Variants in MIF4GD observed in about 807,000 individuals in gnomAD.
MIF4GD encodes the protein MIF4G domain containing.
MIF4GD carries 22 observed loss-of-function variants against 26.7 expected under a neutral mutation model. That is an observed-to-expected ratio of 0.82 (90% CI 0.59 to 1.18). MIF4GD has a LOEUF of 1.18. MIF4GD is among the 50% of genes most tolerant of loss of function. The pLI is 0.00. For missense variants in MIF4GD, 262 were observed against 279.6 expected (o/e 0.94, Z 0.45); for synonymous variants, 137 against 111.6 (o/e 1.23, Z -1.43).
In MIF4GD at chr17:75,269,428, C is replaced by T. The variant is rs2077628241; in HGVS notation, c.82+686G>A. On this transcript the variant is annotated intron_variant, in intron 2 of 5. Coordinates refer to ENST00000325102, the MANE Select transcript of MIF4GD (RefSeq NM_001370592.1). ...CTCTGGCAAACGGAATATTCTCCATCTTCTGTCTCAAAGCAGGCAACTGTG... is the reference window on the plus strand; with the variant it reads ...CTCTGGCAAACGGAATATTCTCCATTTTCTGTCTCAAAGCAGGCAACTGTG... The T allele has an allele frequency of 1.9e-6, 3 of 1,613,892 alleles. No homozygotes were observed. Among genetic ancestry groups the T allele is most frequent in the African/African-American group, 2.7e-5 (2 of 74,896 alleles).
Position 75,266,455 on chromosome 17 carries a change from A to C in MIF4GD, c.*285T>G, listed in dbSNP as rs1825038313. On this transcript the variant is annotated 3_prime_UTR_variant, in exon 6 of 6. Transcript: ENST00000325102. Reference sequence around the variant, plus strand: ...GCTTACCCATTTTACAGATGGGTAAACTGAGGCACCAAGGTAGTAGTTGCA... The same window carrying C: ...GCTTACCCATTTTACAGATGGGTAACCTGAGGCACCAAGGTAGTAGTTGCA... The C allele has an allele frequency of 2.0e-6, 1 of 499,886 alleles. No individual in the cohort carries two copies. Among genetic ancestry groups the C allele is most frequent in the African/African-American group, 1.9e-5 (1 of 51,898 alleles). The allele number at this position is 499,886 out of a possible 1,614,324, so 31.0% of individuals were successfully genotyped here. A position where few individuals can be genotyped will look rare whatever the true frequency, so the allele number is the denominator to read the frequency against.
At chr17:75,268,638 C>T (rs2077593145) in intron 2 of MIF4GD, among the ~76,000 whole-genome samples, 1 of 146,542 alleles carries the variant, frequency 6.8e-6, no homozygotes, top group African/African-American at 2.5e-5. Flanking sequence ...TGCTATTGCA[C>T]TCCAGCCTGG....
Position 75,271,188 on chromosome 17 carries a change from C to A in MIF4GD, c.-95G>T, listed in dbSNP as rs1335969117. The A allele has an allele frequency of 6.7e-6, 1 of 148,904 alleles. No individual in the cohort carries two copies. The highest frequency in any genetic ancestry group is 2.0e-4 in the East Asian group (1 of 5,128). The allele number at this position is 148,904 out of a possible 1,614,324, so 9.2% of individuals were successfully genotyped here. On this transcript the variant is annotated 5_prime_UTR_variant, in exon 1 of 6. Transcript: ENST00000325102. The surrounding 1 kb of genome is among the most constrained non-coding windows in gnomAD (Gnocchi z 4.2). ...CGCGCGTGCCCGGGGCCGCTCGGCG[C>A]CTGGGAGCGCGCAACCAGCGTCCGG...
chr17:75,266,404 T>C lies in MIF4GD; in HGVS notation c.*336A>G. 1 of 415,218 alleles carries C rather than the reference T, an allele frequency of 2.4e-6. No homozygotes were observed. The highest frequency in any genetic ancestry group is 2.4e-5 in the South Asian group (1 of 41,130). 25.7% of individuals were successfully genotyped at this position (415,218 alleles called of 1,614,324 possible). ...TGTGCTCTGCCTCCACCCCTTGACA[T>C]CCCAAAATATCCCACCAGTGGCTAT... On this transcript the variant is annotated 3_prime_UTR_variant, in exon 6 of 6. Coordinates refer to ENST00000325102, the MANE Select transcript of MIF4GD (RefSeq NM_001370592.1).
chr17:75,266,473 T>C lies in MIF4GD; in HGVS notation c.*267A>G, dbSNP rs971705013. ...TGGGTAAACTGAGGCACCAAGGTAGTAGTTGCACTAATGGTTACACAGTGC... is the reference window on the plus strand; with the variant it reads ...TGGGTAAACTGAGGCACCAAGGTAGCAGTTGCACTAATGGTTACACAGTGC... On this transcript the variant is annotated 3_prime_UTR_variant, in exon 6 of 6. Coordinates refer to ENST00000325102, the MANE Select transcript of MIF4GD (RefSeq NM_001370592.1). 1 of 536,416 alleles carries C rather than the reference T, an allele frequency of 1.9e-6. No homozygotes were observed. Among genetic ancestry groups the C allele is most frequent in the Non-Finnish European group, 3.4e-6 (1 of 295,830 alleles). 33.2% of individuals were successfully genotyped at this position (536,416 alleles called of 1,614,324 possible).
rs763020738 is a variant in MIF4GD at position 75,268,041 on chromosome 17, A to G, written c.192+42T>C. Reference sequence around the variant, plus strand: ...CAGGCCTTCTGCCCACTCCTGAAGCACCTTCCTCAAAGCAGCTTCCTTTCC... The same window carrying G: ...CAGGCCTTCTGCCCACTCCTGAAGCGCCTTCCTCAAAGCAGCTTCCTTTCC... On this transcript the variant is annotated intron_variant, in intron 3 of 5. Transcript: ENST00000325102. The G allele has an allele frequency of 1.9e-6, 3 of 1,606,510 alleles. No individual in the cohort carries two copies. In the Admixed American group the frequency reaches 5.0e-5, roughly 27 times the overall value.
chr17:75,268,006 T>C, intron 3 of MIF4GD, 77 bp downstream of exon 3: 1 of 1,604,912 alleles, frequency 6.2e-7, no homozygotes, highest in Non-Finnish European at 8.5e-7. Flanking sequence ...TGCATCTCTG[T>C]CCTGCAGGCC....
intron 4 of MIF4GD, 47 bp downstream of exon 4, chr17:75,267,699 A>G (rs1424022531): frequency 6.2e-7 from 1 of 1,612,274 alleles, no homozygotes; most frequent in Admixed American, 1.7e-5. Context: ...CCTGGGCCTC[A>G]GGAAACAGGC....
At position 75,266,610 on chromosome 17, in the gene MIF4GD, A is replaced by T. The variant is rs2077491489; in HGVS notation, c.*130T>A. On this transcript the variant is annotated 3_prime_UTR_variant, in exon 6 of 6. Transcript: ENST00000325102. ...GGGAAACATCTCACCAGGAGATGGG[A>T]AAGTCTAGAAGGGAAGACACTCAAA... The T allele has an allele frequency of 2.4e-6, 2 of 835,944 alleles. No individual in the cohort carries two copies. The highest frequency in any genetic ancestry group is 3.4e-5 in the African/African-American group (2 of 59,180). 51.8% of individuals were successfully genotyped at this position (835,944 alleles called of 1,614,324 possible).
Position 75,267,762 on chromosome 17 carries a change from A to G in MIF4GD, c.332T>C (p.Ile111Thr). Residue 111 changes from isoleucine to threonine, a missense_variant, in exon 4 of 6, where the codon ATC becomes ACC. By Grantham distance (89) the Ile-to-Thr change is moderately conservative (BLOSUM62 -1). Coordinates refer to ENST00000325102, the MANE Select transcript of MIF4GD (RefSeq NM_001370592.1). ...WVCYVTFICN[I>T]FDYLRVNNMP... ...GGGCCTCACCCTCAGGTAGTCAAAG[A>G]TGTTGCAGATAAAGGTGACATAGCA... The G allele has an allele frequency of 4.3e-6, 7 of 1,613,608 alleles. No homozygotes were observed. Among genetic ancestry groups the G allele is most frequent in the Non-Finnish European group, 5.9e-6 (7 of 1,179,720 alleles).
At position 75,271,187 on chromosome 17, in the gene MIF4GD, G is replaced by A. The variant is rs1033726415; in HGVS notation, c.-94C>T. The A allele has an allele frequency of 3.4e-5, 5 of 148,916 alleles. No homozygotes were observed. Among genetic ancestry groups the A allele is most frequent in the Admixed American group, 6.7e-5 (1 of 14,980 alleles). The allele number at this position is 148,916 out of a possible 1,614,324, so 9.2% of individuals were successfully genotyped here. A position where few individuals can be genotyped will look rare whatever the true frequency, so the allele number is the denominator to read the frequency against. ...GCGCGCGTGCCCGGGGCCGCTCGGC[G>A]CCTGGGAGCGCGCAACCAGCGTCCG... is the stretch of plus-strand genomic sequence containing the variant. On this transcript the variant is annotated 5_prime_UTR_variant, in exon 1 of 6. Transcript: ENST00000325102. This position sits in a 1 kb window ranked among gnomAD's most constrained non-coding sequence, Gnocchi z 4.2.
In MIF4GD at chr17:75,266,937, C is replaced by T. The variant is rs200401392; in HGVS notation, c.472G>A (p.Val158Ile). Residue 158 changes from valine to isoleucine, a missense_variant, in exon 6 of 6, where the codon GTT (valine) becomes ATT (isoleucine). Transcript: ENST00000325102. ...TTCATTTTCTCCAGCTGCTCCCCAA[C>T]CCGGTGCAGCTGCAGCACCAAACAG... ...VDCLVLQLHR[V>I]GEQLEKMNGQ... 9.9e-6 allele frequency: 16 copies of T among 1,614,072 alleles called. No homozygotes were observed. In the Admixed American group the frequency reaches 2.5e-4, roughly 25 times the overall value.
chr17:75,268,598 G>C lies in MIF4GD; in HGVS notation c.83-406C>G, dbSNP rs369552547. Among the ~76,000 whole-genome samples, 68 of 151,650 alleles carry C rather than the reference G, an allele frequency of 4.5e-4. 3 individuals are homozygous for C. Among genetic ancestry groups the C allele is most frequent in the African/African-American group, 1.6e-3 (66 of 41,298 alleles). The stretch of plus-strand genomic sequence containing the variant: ...AGGGCAGGAGAATCGCTTGGACCTG[G>C]GAGGCGGAGGTTGCAGTGAGCCGAG... On this transcript the variant is annotated intron_variant, in intron 2 of 5. Transcript: ENST00000325102.
chr17:75,266,264 C>T lies in MIF4GD; in HGVS notation c.*476G>A, dbSNP rs1026213909. The T allele has an allele frequency of 2.9e-5, 11 of 381,104 alleles. No homozygotes were observed. The highest frequency in any genetic ancestry group is 7.9e-5 in the South Asian group (3 of 38,040). The allele number at this position is 381,104 out of a possible 1,614,324, so 23.6% of individuals were successfully genotyped here. A position where few individuals can be genotyped will look rare whatever the true frequency, so the allele number is the denominator to read the frequency against. ...GAAAAGATTTATTAGAAAATTCTCA[C>T]GCTGAACTGGTGTAGCATGTGGTGC... On this transcript the variant is annotated 3_prime_UTR_variant, in exon 6 of 6. Coordinates refer to ENST00000325102, the MANE Select transcript of MIF4GD (RefSeq NM_001370592.1).
At position 75,269,548 on chromosome 17, in the gene MIF4GD, C is replaced by CTTTTTTTTTTTT. The variant is rs547476219; in HGVS notation, c.82+554_82+565dup. 1.5e-5 allele frequency: 7 copies of CTTTTTTTTTTTT among 481,722 alleles called. 1 individual carries two copies. Among genetic ancestry groups the CTTTTTTTTTTTT allele is most frequent in the Non-Finnish European group, 1.7e-5 (6 of 347,796 alleles). 29.8% of individuals were successfully genotyped at this position (481,722 alleles called of 1,614,324 possible). ...CCGTGTTCTTTTTTTTATGGTTAAA[C>CTTTTTTTTTTTT]TTTTTTTTTTTTTTTTTTTTTTTTT... On this transcript the variant is annotated intron_variant, in intron 2 of 5. Coordinates refer to ENST00000325102, the MANE Select transcript of MIF4GD (RefSeq NM_001370592.1).
intron 5 of MIF4GD, 31 bp downstream of exon 5, chr17:75,267,507 C>T: frequency 6.2e-7 from 1 of 1,609,698 alleles, no homozygotes; most frequent in Non-Finnish European, 8.5e-7. Context: ...CTGCAGCCTT[C>T]TGTGCTTGTG....
chr17:75,266,485 T>C lies in MIF4GD; in HGVS notation c.*255A>G, dbSNP rs952363136. The C allele has an allele frequency of 1.8e-6, 1 of 558,346 alleles. No individual in the cohort carries two copies. Among genetic ancestry groups the C allele is most frequent in the Non-Finnish European group, 3.2e-6 (1 of 309,642 alleles). The allele number at this position is 558,346 out of a possible 1,614,324, so 34.6% of individuals were successfully genotyped here. On this transcript the variant is annotated 3_prime_UTR_variant, in exon 6 of 6. Coordinates refer to ENST00000325102, the MANE Select transcript of MIF4GD (RefSeq NM_001370592.1). ...GGCACCAAGGTAGTAGTTGCACTAA[T>C]GGTTACACAGTGCAGTGGCTCTTGG...
chr17:75,270,472 C>T lies in MIF4GD; in HGVS notation c.-50-227G>A. On this transcript the variant is annotated intron_variant, in intron 1 of 5. Coordinates refer to ENST00000325102, the MANE Select transcript of MIF4GD (RefSeq NM_001370592.1). The surrounding 1 kb of genome is among the most constrained non-coding windows in gnomAD (Gnocchi z 5.7). ...GAAATCCCTCGCTTGTGGGATTACA[C>T]AAGAGCGAGAAGCTGAAGCAGGAAA... is the stretch of plus-strand genomic sequence containing the variant. The T allele has an allele frequency of 2.5e-6, 1 of 403,360 alleles. No homozygotes were observed. Among genetic ancestry groups the T allele is most frequent in the East Asian group, 5.2e-5 (1 of 19,174 alleles). 25.0% of individuals were successfully genotyped at this position (403,360 alleles called of 1,614,324 possible). A position where few individuals can be genotyped will look rare whatever the true frequency, so the allele number is the denominator to read the frequency against.
intron 2 of MIF4GD, among the ~76,000 whole-genome samples, chr17:75,268,684 A>T (rs954521849): frequency 2.2e-4 from 32 of 148,270 alleles, no homozygotes; most frequent in Admixed American, 8.7e-4. Context: ...AAAAAAAAAA[A>T]AAAAGAAAAA....
Sources: gnomAD v4.1 joint callset for allele counts (sites outside exome capture counted in the v4.1 genomes callset) on GRCh38, gnomAD v4.1.1 for gene constraint, Gnocchi (gnomAD v3.1) non-coding constraint, MANE v1.5 for transcripts, NCBI Gene and HGNC (gene_info 2026-07-23, HGNC 2026-07-21) for gene names.